FHIT: variants seen among roughly 807,000 people sequenced by gnomAD.
The protein encoded by FHIT is bis(5'-adenosyl)-triphosphatase.
In FHIT, 19 loss-of-function variants were observed where a neutral mutation model predicts 17.9. The ratio of observed to expected loss-of-function variants is 1.06; its 90% confidence interval spans 0.74 to 1.56. The LOEUF (loss-of-function observed/expected upper bound fraction) is 1.56, where lower values mean the gene tolerates loss of function less well. Ranked by LOEUF, FHIT falls within the 40% of genes most tolerant of loss-of-function variation. FHIT has a pLI of 0.00. For missense variants in FHIT, 248 were observed against 189.2 expected, an observed-to-expected ratio of 1.31 and a Z score of -1.82; for synonymous variants, 81 against 69.7, an observed-to-expected ratio of 1.16 and a Z score of -0.81.
rs867609292 is a variant in FHIT at position 60,248,550 on chromosome 3, T to A, written c.104-234398A>T. ...AAATGACATTTCGTTTCCATTTGAATTCTAAAGTACTGAACTTTTAAAATC... is the reference window on the plus strand; with the variant it reads ...AAATGACATTTCGTTTCCATTTGAAATCTAAAGTACTGAACTTTTAAAATC... On this transcript the variant is annotated intron_variant, in intron 5 of 9. Coordinates refer to ENST00000492590, the MANE Select transcript of FHIT (RefSeq NM_002012.4). 1.2e-4 allele frequency among the ~76,000 whole-genome samples: 19 copies of A among 152,260 alleles called. No homozygotes were observed. The South Asian group carries it at 1.7e-3, about 13-fold the overall frequency.
intron 4 of FHIT, among the ~76,000 whole-genome samples, chr3:60,697,384 T>C (rs1235161672): frequency 3.9e-5 from 6 of 152,186 alleles, no homozygotes; most frequent in African/African-American, 1.4e-4. Flanking sequence ...TTTATAGTTA[T>C]TCATTAAACT....
chr3:60,989,726 A>G (rs1315606671), intron 3 of FHIT, among the ~76,000 whole-genome samples: 1 of 152,084 alleles, frequency 6.6e-6, no homozygotes, highest in African/African-American at 2.4e-5. Flanking sequence ...TGACTCTTTT[A>G]TGTTTCCCTT....
At chr3:60,523,837 C>G (rs777962885) in intron 5 of FHIT, among the ~76,000 whole-genome samples, 3 of 152,296 alleles carry the variant, frequency 2.0e-5, no homozygotes, top group East Asian at 1.9e-4. Context: ...ACTTCTCTCT[C>G]TTTCAAAGCA....
Position 60,572,036 on chromosome 3 carries a change from G to T in FHIT, c.-17-35057C>A, listed in dbSNP as rs56118886. Among the ~76,000 whole-genome samples, 255 of 151,564 alleles carry T rather than the reference G, an allele frequency of 1.7e-3. 3 individuals are homozygous for T. Among genetic ancestry groups the T allele is most frequent in the African/African-American group, 5.9e-3 (245 of 41,226 alleles). On this transcript the variant is annotated intron_variant, in intron 4 of 9. Transcript: ENST00000492590. The stretch of plus-strand genomic sequence containing the variant: ...AGGTTTTCTTTCTTTCTTTTTTTTG[G>T]GGGGGAAGATTTAACAGGCATTACT...
chr3:60,278,925 T>A (rs1194619161), intron 5 of FHIT, among the ~76,000 whole-genome samples: 1 of 151,538 alleles, frequency 6.6e-6, no homozygotes, highest in Admixed American at 6.6e-5. Context: ...AACACATATA[T>A]CAAAAAAGAA....
chr3:61,232,953 C>T (rs1458385591), intron 1 of FHIT, among the ~76,000 whole-genome samples: 2 of 152,174 alleles, frequency 1.3e-5, no homozygotes, highest in Non-Finnish European at 2.9e-5. Context: ...AAATAACGTA[C>T]ATACATATTT....
intron 8 of FHIT, among the ~76,000 whole-genome samples, chr3:59,802,257 T>A (rs1316769294): frequency 2.0e-5 from 3 of 152,186 alleles, no homozygotes; most frequent in Non-Finnish European, 4.4e-5. Flanking sequence ...GCGTCTGCCC[T>A]ATTCAGACAG....
At chr3:61,238,261 T>C (rs1174801026) in intron 1 of FHIT, among the ~76,000 whole-genome samples, 1 of 152,172 alleles carries the variant, frequency 6.6e-6, no homozygotes, top group Non-Finnish European at 1.5e-5. Context: ...TTCACTTGCA[T>C]ATACTCCCCA....
intron 4 of FHIT, among the ~76,000 whole-genome samples, chr3:60,750,005 A>G (rs1479954886): frequency 2.0e-5 from 3 of 152,184 alleles, no homozygotes; most frequent in African/African-American, 4.8e-5. Context: ...CCTCTATTTC[A>G]TTAAAACCAA....
chr3:61,238,189 C>T lies in FHIT; in HGVS notation c.-213+13112G>A, dbSNP rs75507727. 1.9e-3 allele frequency among the ~76,000 whole-genome samples: 295 copies of T among 152,186 alleles called. 2 individuals carry two copies. Among genetic ancestry groups the T allele is most frequent in the African/African-American group, 6.7e-3 (277 of 41,514 alleles). Reference sequence around the variant, plus strand: ...CATTATCACCATTATGGGGAGGAAACGGGAGGCTATGCAAATTCAGAGAAA... The same window carrying T: ...CATTATCACCATTATGGGGAGGAAATGGGAGGCTATGCAAATTCAGAGAAA... On this transcript the variant is annotated intron_variant, in intron 1 of 9. Transcript: ENST00000492590.
chr3:60,840,484 T>C (rs1702686160), intron 3 of FHIT, among the ~76,000 whole-genome samples: 1 of 152,228 alleles, frequency 6.6e-6, no homozygotes, highest in South Asian at 2.1e-4. Flanking sequence ...AGTCCCCAGT[T>C]TTCCTTGTGA....
Position 60,011,430 on chromosome 3 carries a change from A to G in FHIT, c.250-30T>C, listed in dbSNP as rs529820230. On this transcript the variant is annotated intron_variant, in intron 6 of 9. Transcript: ENST00000492590. ...AAGTAGGAAAAAACCAACAGAGGTG[A>G]GAATAGATAGATGGTATCTCCTGCT... 9 of 1,589,552 alleles carry G rather than the reference A, an allele frequency of 5.7e-6. No homozygotes were observed. In the East Asian group the frequency reaches 1.1e-4, roughly 20 times the overall value.
intron 5 of FHIT, among the ~76,000 whole-genome samples, chr3:60,121,709 A>AACACACACACAC: frequency 8.6e-6 from 1 of 116,336 alleles, no homozygotes; most frequent in Non-Finnish European, 1.9e-5. Context: ...AAACAAAACA[A>AACACACACACAC]ACACACACAC....
In FHIT at chr3:60,574,188, G is replaced by A. The variant is rs562232299; in HGVS notation, c.-17-37209C>T. On this transcript the variant is annotated intron_variant, in intron 4 of 9. Transcript: ENST00000492590. Reference sequence around the variant, plus strand: ...CCAGCAGCTATGGGAGCTACAAAGAGCCAGGAGTTTGGAAGCTTTTCAAGA... The same window carrying A: ...CCAGCAGCTATGGGAGCTACAAAGAACCAGGAGTTTGGAAGCTTTTCAAGA... Among the ~76,000 whole-genome samples, 4 of 152,164 alleles carry A rather than the reference G, an allele frequency of 2.6e-5. No individual in the cohort carries two copies. The East Asian group carries it at 7.8e-4, about 30-fold the overall frequency.
At chr3:60,077,171 G>A (rs1703045872) in intron 5 of FHIT, among the ~76,000 whole-genome samples, 1 of 151,988 alleles carries the variant, frequency 6.6e-6, no homozygotes, top group African/African-American at 2.4e-5. Flanking sequence ...GGCAGAAAGA[G>A]AGCAGCCTAA....
At chr3:60,053,266 A>C (rs1701955338) in intron 5 of FHIT, among the ~76,000 whole-genome samples, 1 of 151,496 alleles carries the variant, frequency 6.6e-6, no homozygotes, top group African/African-American at 2.4e-5. Context: ...TTCTCTCTAG[A>C]TACATATATA....
At chr3:61,161,023 G>A (rs911784393) in intron 2 of FHIT, among the ~76,000 whole-genome samples, 11 of 152,036 alleles carry the variant, frequency 7.2e-5, no homozygotes, top group African/African-American at 2.7e-4. Flanking sequence ...ATTATGGAAG[G>A]CTTTTTGAGC....
intron 5 of FHIT, among the ~76,000 whole-genome samples, chr3:60,026,128 T>A (rs777155741): frequency 4.6e-5 from 7 of 152,156 alleles, no homozygotes; most frequent in Non-Finnish European, 1.0e-4. Context: ...AAGAAATACA[T>A]TCACAAATCC....
chr3:60,079,160 T>C (rs1203877711), intron 5 of FHIT, among the ~76,000 whole-genome samples: 1 of 152,100 alleles, frequency 6.6e-6, no homozygotes, highest in Non-Finnish European at 1.5e-5. Context: ...TAGCTTGTTT[T>C]TGGTAAATCC....
Sources: gnomAD v4.1 joint callset for allele counts (sites outside exome capture counted in the v4.1 genomes callset) on GRCh38, gnomAD v4.1.1 for gene constraint, MANE v1.5 for transcripts, NCBI Gene and HGNC (gene_info 2026-07-23, HGNC 2026-07-21) for gene names.